ZFYVE16: variants seen among roughly 807,000 people sequenced by gnomAD.
The protein encoded by ZFYVE16 is zinc finger FYVE domain-containing protein 16.
A neutral mutation model predicts 138.1 loss-of-function variants in ZFYVE16; 89 were observed. The observed-to-expected ratio is 0.64, with a 90% CI of 0.54 to 0.77. The LOEUF (loss-of-function observed/expected upper bound fraction) is 0.77. ZFYVE16 is among the 30% of genes least tolerant of loss of function. ZFYVE16 has a pLI of 0.00. For synonymous variants in ZFYVE16, 596 were observed against 618.3 expected, an observed-to-expected ratio of 0.96 and a Z score of 0.53; for missense variants, 1,793 against 1,786.7, an observed-to-expected ratio of 1.00 and a Z score of -0.06.
chr5:80,437,218 C>T lies in ZFYVE16; in HGVS notation c.533C>T (p.Thr178Ile), dbSNP rs1561270708. ...TCAGATACTCCCTGTGTTTCTTCAACAGACCATGATAGTGATACTGTCAGA... is the reference window on the plus strand; with the variant it reads ...TCAGATACTCCCTGTGTTTCTTCAATAGACCATGATAGTGATACTGTCAGA... ...SVSDTPCVSS[T>I]DHDSDTVREQ... is the part of the protein sequence containing the mutation. The change falls in exon 4 of 19, where the codon ACA becomes ATA. Residue 178 changes from threonine (T) to isoleucine (I), a missense_variant. By Grantham distance (89) the Thr-to-Ile change is moderately conservative. Coordinates refer to ENST00000505560, the MANE Select transcript of ZFYVE16 (RefSeq NM_001284236.3). 2.5e-6 allele frequency: 4 copies of T among 1,613,976 alleles called. No homozygotes were observed. Among genetic ancestry groups the T allele is most frequent in the Middle Eastern group, 1.6e-4 (1 of 6,062 alleles).
At chr5:80,473,935 A>G in intron 17 of ZFYVE16, 76 bp downstream of exon 17, 4 of 1,050,750 alleles carry the variant, frequency 3.8e-6, no homozygotes, top group Non-Finnish European at 4.3e-6. Flanking sequence ...TGCATACTCA[A>G]CCTCTAAATA....
intron 8 of ZFYVE16, among the ~76,000 whole-genome samples, chr5:80,448,900 G>A (rs1387641210): frequency 6.6e-6 from 1 of 151,918 alleles, no homozygotes; most frequent in Non-Finnish European, 1.5e-5. Context: ...AGATTCTATG[G>A]CTAACCCCCA....
intron 5 of ZFYVE16, chr5:80,441,066 G>A (rs1191977102): frequency 1.0e-6 from 1 of 985,192 alleles, no homozygotes; most frequent in Admixed American, 6.2e-5. Flanking sequence ...TAGTTTAAGT[G>A]CTTATAGTTG....
At chr5:80,476,542 A>C (rs1754927866) in intron 18 of ZFYVE16, among the ~76,000 whole-genome samples, 1 of 152,184 alleles carries the variant, frequency 6.6e-6, no homozygotes, top group African/African-American at 2.4e-5. Flanking sequence ...TTTTCTTTGA[A>C]CTGAAAGTTC....
chr5:80,422,789 A>G (rs1209006572), intron 1 of ZFYVE16, among the ~76,000 whole-genome samples: 1 of 152,132 alleles, frequency 6.6e-6, no homozygotes, highest in Non-Finnish European at 1.5e-5. Flanking sequence ...TTATGTGATT[A>G]TATATGTCTT....
intron 11 of ZFYVE16, 37 bp from the exon 12 acceptor site, chr5:80,455,655 T>G: frequency 2.6e-6 from 4 of 1,538,258 alleles, no homozygotes; most frequent in Non-Finnish European, 3.6e-6. Context: ...GGGGTTTTTT[T>G]TGTTGATAGT....
At chr5:80,467,604 A>G (rs1009957304) in intron 15 of ZFYVE16, among the ~76,000 whole-genome samples, 1 of 152,368 alleles carries the variant, frequency 6.6e-6, no homozygotes. Flanking sequence ...CAAAAAAGCC[A>G]CATAACAACA....
chr5:80,477,399 A>C lies in ZFYVE16; in HGVS notation c.*22A>C. 3 of 1,592,654 alleles carry C rather than the reference A, an allele frequency of 1.9e-6. No homozygotes were observed. Among genetic ancestry groups the C allele is most frequent in the Non-Finnish European group, 2.6e-6 (3 of 1,173,160 alleles). On this transcript the variant is annotated 3_prime_UTR_variant, in exon 19 of 19. Transcript: ENST00000505560. ...TTAGTGAAAGAATGTGCCATATTAC[A>C]TATTGCAACCTAATTTGTTAAAACT...
At chr5:80,454,858 T>C (rs1213311337) in intron 11 of ZFYVE16, 1 of 152,216 alleles carries the variant, frequency 6.6e-6, no homozygotes, top group Non-Finnish European at 1.5e-5. Context: ...AAAAGTTTAC[T>C]ACCATTCATA....
intron 1 of ZFYVE16, among the ~76,000 whole-genome samples, chr5:80,416,506 C>T (rs1028627975): frequency 6.6e-6 from 1 of 151,304 alleles, no homozygotes; most frequent in African/African-American, 2.4e-5. Context: ...TTGCCTGCCT[C>T]GGCCTCCCAA....
At chr5:80,453,630 C>CT (rs1482003759) in intron 11 of ZFYVE16, among the ~76,000 whole-genome samples, 3 of 152,134 alleles carry the variant, frequency 2.0e-5, no homozygotes. Flanking sequence ...TTTCTGAATT[C>CT]TTTCTGTTCT....
chr5:80,409,612 C>T (rs1357049260), intron 1 of ZFYVE16: 2 of 152,182 alleles, frequency 1.3e-5, no homozygotes, highest in Non-Finnish European at 2.9e-5. Flanking sequence ...TTTTGCGAAT[C>T]ACTTTAATGT....
intron 1 of ZFYVE16, among the ~76,000 whole-genome samples, chr5:80,420,469 T>C (rs7726334): frequency 0.03 from 4,593 of 152,050 alleles, 252 homozygotes; most frequent in African/African-American, 0.1. Context: ...CGACAGGCCC[T>C]GGTGTGTGAT....
Position 80,457,084 on chromosome 5 carries a change from C to G in ZFYVE16, c.3935C>G (p.Pro1312Arg). The change falls in exon 14 of 19, where the codon CCT (proline) becomes CGT (arginine). Residue 1312 changes from proline (P) to arginine (R), a missense_variant. Transcript: ENST00000505560. ...CAGGCCAACAGTGCCACTGGCCATC[C>G]TAGAAAAGGTGAGCATCTTGGTTCC... is the stretch of plus-strand genomic sequence containing the variant. ...ETQANSATGH[P>R]RKVTGASFVV... 1 of 1,610,784 alleles carries G rather than the reference C, an allele frequency of 6.2e-7. No individual in the cohort carries two copies. Among genetic ancestry groups the G allele is most frequent in the South Asian group, 1.1e-5 (1 of 90,040 alleles).
intron 15 of ZFYVE16, among the ~76,000 whole-genome samples, chr5:80,465,380 CT>C (rs374585712): frequency 1.2e-4 from 4 of 33,844 alleles, no homozygotes; most frequent in African/African-American, 1.6e-4. Flanking sequence ...TCCATGGTTT[CT>C]TTTTTTTTCC....
intron 5 of ZFYVE16, chr5:80,441,626 A>G: frequency 1.0e-6 from 1 of 985,436 alleles, no homozygotes; most frequent in Non-Finnish European, 1.2e-6. Context: ...GATAATTTGA[A>G]TAGAGATTGT....
rs778696225 is a variant in ZFYVE16 at position 80,437,597 on chromosome 5, C to A, written c.912C>A (p.Cys304Ter). ...AGGGCAAGACAAGTGCTTTGACCTG[C>A]AGCCTTCCGAAAAATGAAGATTTAT... is the stretch of plus-strand genomic sequence containing the variant. ...KEEGKTSALTCSLPKNEDLCL... is the reference protein window; with the variant it reads ...KEEGKTSALT Residue 304 changes from cysteine (C) to a stop codon, truncating the protein, a stop_gained, in exon 4 of 19, where the codon TGC becomes TGA. Coordinates refer to ENST00000505560, the MANE Select transcript of ZFYVE16 (RefSeq NM_001284236.3). LOFTEE classifies it high-confidence loss of function. The A allele has an allele frequency of 6.2e-7, 1 of 1,613,082 alleles. No individual in the cohort carries two copies. The highest frequency in any genetic ancestry group is 1.3e-5 in the African/African-American group (1 of 74,804).
chr5:80,411,142 T>TC, intron 1 of ZFYVE16, among the ~76,000 whole-genome samples: 1 of 144,446 alleles, frequency 6.9e-6, no homozygotes, highest in South Asian at 2.2e-4. Context: ...TAATTTTTTT[T>TC]TTTTTTTTTT....
At chr5:80,462,559 G>A (rs753027778) in intron 15 of ZFYVE16, among the ~76,000 whole-genome samples, 7 of 152,082 alleles carry the variant, frequency 4.6e-5, no homozygotes, top group Non-Finnish European at 8.8e-5. Context: ...GATTTGGGTG[G>A]GGACACAAAG....
Sources: allele counts gnomAD v4.1 joint callset (sites outside exome capture counted in the v4.1 genomes callset), GRCh38; gene constraint gnomAD v4.1.1; transcripts MANE v1.5; gene names NCBI Gene and HGNC (gene_info 2026-07-23, HGNC 2026-07-21).